Variants in ZNF292 observed in about 807,000 individuals in gnomAD.
The protein encoded by ZNF292 is zinc finger protein 292, also known as 16 zinc-finger domain protein.
In ZNF292, 26 loss-of-function variants were observed where a neutral mutation model predicts 217.9. That is an observed-to-expected ratio of 0.12 (90% confidence interval 0.09 to 0.17). The LOEUF (loss-of-function observed/expected upper bound fraction) is 0.17, where lower values mean the gene tolerates loss of function less well. Ranked by LOEUF, ZNF292 falls within the 10% of genes least tolerant of loss-of-function variation. ZNF292 has a pLI of 1.00. For synonymous variants in ZNF292, 1,257 were observed against 1,124.1 expected, an observed-to-expected ratio of 1.12 and a Z score of -2.37; for missense variants, 2,904 against 3,175.2, an observed-to-expected ratio of 0.91 and a Z score of 2.05.
intron 5 of ZNF292, among the ~76,000 whole-genome samples, chr6:87,239,606 GA>G: frequency 1.3e-5 from 2 of 149,352 alleles, no homozygotes; most frequent in Admixed American, 6.6e-5. Context: ...GCGGCTGCTG[GA>G]CGGAGGGGCT....
rs753674049 is a variant in ZNF292 at position 87,255,090 on chromosome 6, A to T, written c.1461A>T (p.Glu487Asp). 1.4e-5 allele frequency: 22 copies of T among 1,613,536 alleles called. No individual in the cohort carries two copies. Among genetic ancestry groups the T allele is most frequent in the Non-Finnish European group, 1.9e-5 (22 of 1,179,858 alleles). The change falls in exon 8 of 8, where the codon GAA becomes GAT. Residue 487 changes from glutamate to aspartate, a missense_variant. Coordinates refer to ENST00000369577, the MANE Select transcript of ZNF292 (RefSeq NM_015021.3). ...EVYEKVVDYQ[E>D]ESKETSMNGL... Reference sequence around the variant, plus strand: ...ATGAAAAAGTGGTAGACTACCAAGAAGAGAGTAAAGAAACTTCTATGAATG... The same window carrying T: ...ATGAAAAAGTGGTAGACTACCAAGATGAGAGTAAAGAAACTTCTATGAATG...
At chr6:87,229,419 GTTTC>G (rs1347430103) in intron 4 of ZNF292, among the ~76,000 whole-genome samples, 6 of 151,820 alleles carry the variant, frequency 4.0e-5, no homozygotes, top group African/African-American at 7.3e-5. Context: ...TTGCTGAATT[GTTTC>G]TTTCTTTCTT....
chr6:87,212,883 T>A (rs1400797844), intron 1 of ZNF292, among the ~76,000 whole-genome samples: 1 of 152,204 alleles, frequency 6.6e-6, no homozygotes, highest in Non-Finnish European at 1.5e-5. Context: ...CCATTTCAGA[T>A]CCATAAGAAA....
At chr6:87,220,034 C>G (rs1035857821) in intron 4 of ZNF292, among the ~76,000 whole-genome samples, 8 of 152,070 alleles carry the variant, frequency 5.3e-5, no homozygotes, top group Non-Finnish European at 1.2e-4. Flanking sequence ...CCTGTGTTAC[C>G]CAGGCTGGTC....
At chr6:87,249,713 T>C (rs1177872027) in intron 7 of ZNF292, among the ~76,000 whole-genome samples, 2 of 151,422 alleles carry the variant, frequency 1.3e-5, no homozygotes, top group Non-Finnish European at 2.9e-5. Flanking sequence ...ACTGGTAACC[T>C]TTTTTTTTCT....
At chr6:87,196,853 A>ACG (rs999149058) in intron 1 of ZNF292, among the ~76,000 whole-genome samples, 2 of 152,240 alleles carry the variant, frequency 1.3e-5, no homozygotes, top group Admixed American at 1.3e-4. Context: ...GCATAAAAAG[A>ACG]CGGACATATT....
At chr6:87,210,258 A>T (rs535210971) in intron 1 of ZNF292, among the ~76,000 whole-genome samples, 42 of 152,044 alleles carry the variant, frequency 2.8e-4, no homozygotes, top group East Asian at 1.2e-3. Context: ...AAAGAAAAAA[A>T]TTTTTTTTTA....
chr6:87,190,566 C>G (rs940055486), intron 1 of ZNF292, among the ~76,000 whole-genome samples: 1 of 152,062 alleles, frequency 6.6e-6, no homozygotes, highest in South Asian at 2.1e-4. Context: ...CTCTGCCTCC[C>G]GGGTTCAAGT....
At chr6:87,201,632 G>A (rs902679735) in intron 1 of ZNF292, among the ~76,000 whole-genome samples, 5 of 152,074 alleles carry the variant, frequency 3.3e-5, no homozygotes, top group Non-Finnish European at 7.4e-5. Context: ...TTGAACCCCC[G>A]ACCTCAAGTG....
intron 4 of ZNF292, 138 bp from the exon 5 acceptor site, chr6:87,233,187 G>A: frequency 1.6e-6 from 1 of 629,674 alleles, no homozygotes; most frequent in South Asian, 2.3e-5. Flanking sequence ...AGTCTTTTGT[G>A]ATAGCCTTAC....
chr6:87,230,549 C>T (rs541232579), intron 4 of ZNF292, among the ~76,000 whole-genome samples: 227 of 152,058 alleles, frequency 1.5e-3, no homozygotes, highest in Non-Finnish European at 2.8e-3. Context: ...CTGGCGAACA[C>T]GGTGAAACCC....
intron 3 of ZNF292, 89 bp from the exon 4 acceptor site, chr6:87,218,507 T>C: frequency 9.2e-7 from 1 of 1,083,710 alleles, no homozygotes; most frequent in East Asian, 2.8e-5. Flanking sequence ...TGAAAGTCTT[T>C]TCAGAAGTTT....
chr6:87,216,508 A>G (rs1772786720), intron 3 of ZNF292, 131 bp downstream of exon 3: 3 of 641,826 alleles, frequency 4.7e-6, no homozygotes, highest in Non-Finnish European at 8.1e-6. Flanking sequence ...TCTTATTGAC[A>G]CTAGTATCTT....
rs767313025 is a variant in ZNF292, at chr6:87,260,957, G to T, written c.7328G>T (p.Gly2443Val). 3 of 1,610,174 alleles carry T rather than the reference G, an allele frequency of 1.9e-6. No homozygotes were observed. Among genetic ancestry groups the T allele is most frequent in the African/African-American group, 2.7e-5 (2 of 74,840 alleles). Residue 2443 changes from glycine (G) to valine (V), a missense_variant, in exon 8 of 8, where the codon GGT (glycine) becomes GTT (valine). By Grantham distance (109) the Gly-to-Val change is moderately radical. Around this residue, in one of 15 missense-constraint regions of ZNF292, gnomAD observed 380 missense variants for 355.3 expected, o/e 1.07. Transcript: ENST00000369577. ...GTAAAGGAAACGTCTGAGCAAGAAG[G>T]TGCTAAGAATGATGTGAAAGATTCT... ...SQVKETSEQEGAKNDVKDSDT... is the reference protein window; with the variant it reads ...SQVKETSEQEVAKNDVKDSDT...
chr6:87,258,654 A>G lies in ZNF292; in HGVS notation c.5025A>G (p.Pro1675=), dbSNP rs1487667614. 6.2e-7 allele frequency: 1 copy of G among 1,613,574 alleles called. No individual in the cohort carries two copies. Among genetic ancestry groups the G allele is most frequent in the African/African-American group, 1.3e-5 (1 of 75,040 alleles). ...PTTNLHSNVI[P]TCEPQSLVEN... ...CTAACCTTCATTCAAATGTAATTCC[A>G]ACTTGTGAACCTCAGAGTTTGGTGG... Residue 1675 remains proline, a synonymous_variant, in exon 8 of 8, where the codon CCA becomes CCG. Transcript: ENST00000369577.
At chr6:87,196,015 G>GA (rs1166232744) in intron 1 of ZNF292, among the ~76,000 whole-genome samples, 4 of 147,022 alleles carry the variant, frequency 2.7e-5, no homozygotes, top group African/African-American at 1.0e-4. Flanking sequence ...GCAGCAGAGT[G>GA]AGACTCCGTC....
At chr6:87,193,409 G>A (rs1357258530) in intron 1 of ZNF292, among the ~76,000 whole-genome samples, 1 of 152,040 alleles carries the variant, frequency 6.6e-6, no homozygotes, top group Non-Finnish European at 1.5e-5. Context: ...CCAGGCAGTG[G>A]CACACCTGTA....
intron 2 of ZNF292, 43 bp downstream of exon 2, chr6:87,216,100 AATACATAG>A: frequency 7.7e-7 from 1 of 1,293,960 alleles, no homozygotes; most frequent in Admixed American, 2.6e-5. Context: ...TAGCTTTAAA[AATACATAG>A]ACACACACAC....
At chr6:87,246,881 A>G (rs1774615948) in intron 7 of ZNF292, among the ~76,000 whole-genome samples, 2 of 151,444 alleles carry the variant, frequency 1.3e-5, no homozygotes, top group Non-Finnish European at 1.5e-5. Context: ...CCGGACGGAC[A>G]TGGTGGCTCA....
Sources: allele counts gnomAD v4.1 joint callset (sites outside exome capture counted in the v4.1 genomes callset), GRCh38; gene constraint gnomAD v4.1.1; regional missense constraint gnomAD v4.1.1; transcripts MANE v1.5; gene names NCBI Gene and HGNC (gene_info 2026-07-23, HGNC 2026-07-21).